Variants in DSE observed in about 807,000 individuals in gnomAD.
DSE encodes dermatan-sulfate epimerase.
A neutral mutation model predicts 84.4 loss-of-function variants in DSE; 36 were observed. That is an observed-to-expected ratio of 0.43 (90% confidence interval 0.33 to 0.56). DSE has a LOEUF of 0.56. Ranked by LOEUF, DSE falls within the 20% of genes least tolerant of loss-of-function variation. The pLI is 0.06. For missense variants in DSE, 862 were observed against 1,169.6 expected (o/e 0.74, Z 3.84); for synonymous variants, 410 against 430.1 (o/e 0.95, Z 0.58).
intron 2 of DSE, among the ~76,000 whole-genome samples, chr6:116,364,408 C>T (rs1779055364): frequency 2.0e-5 from 3 of 152,232 alleles, no homozygotes; most frequent in Admixed American, 6.5e-5. Context: ...AAACTGTCGA[C>T]TATTTCCCAT....
At chr6:116,365,533 G>A (rs886875612), upstream of DSE, among the ~76,000 whole-genome samples, 6 of 152,186 alleles carry the variant, frequency 3.9e-5, no homozygotes, top group African/African-American at 7.2e-5. Flanking sequence ...GATCACAGCC[G>A]TGAGCCACCG....
chr6:116,302,901 C>T (rs1775123177), intron 2 of DSE, among the ~76,000 whole-genome samples: 1 of 152,146 alleles, frequency 6.6e-6, no homozygotes, highest in Non-Finnish European at 1.5e-5. Context: ...AATAGGGAAT[C>T]CTGTCTCCAT....
intron 2 of DSE, among the ~76,000 whole-genome samples, chr6:116,328,964 C>G (rs888625444): frequency 1.3e-5 from 2 of 152,194 alleles, no homozygotes; most frequent in Non-Finnish European, 2.9e-5. Context: ...GTTCTGCTTA[C>G]TACGCCTGGC....
chr6:116,280,260 G>C (rs1192370493), intron 2 of DSE: 1 of 276,752 alleles, frequency 3.6e-6, no homozygotes, highest in Non-Finnish European at 7.2e-6. Context: ...GAGGCAGGAA[G>C]GTAAATCTAT....
At chr6:116,306,187 A>G (rs190320371) in intron 2 of DSE, among the ~76,000 whole-genome samples, 271 of 152,330 alleles carry the variant, frequency 1.8e-3, no homozygotes, top group African/African-American at 6.3e-3. Context: ...AAAACTACAA[A>G]GAAGTTCTTT....
In DSE at chr6:116,442,228, G is replaced by A. The variant is rs1784450831; in HGVS notation, c.*4883G>A. On this transcript the variant is annotated 3_prime_UTR_variant, in exon 6 of 6. Coordinates refer to ENST00000644252, the MANE Select transcript of DSE (RefSeq NM_013352.4). ...AGTGTGGCTAGAGCAGAGTGGGGGAGGGGAGGGTGATAGGAATAGGATCAG... is the reference window on the plus strand; with the variant it reads ...AGTGTGGCTAGAGCAGAGTGGGGGAAGGGAGGGTGATAGGAATAGGATCAG... The A allele has an allele frequency of 6.6e-6, 1 of 152,368 alleles. No homozygotes were observed. The highest frequency in any genetic ancestry group is 2.4e-5 in the African/African-American group (1 of 41,408). 9.4% of individuals were successfully genotyped at this position (152,368 alleles called of 1,614,324 possible).
chr6:116,341,487 T>C (rs1260995670), intron 2 of DSE, among the ~76,000 whole-genome samples: 1 of 152,208 alleles, frequency 6.6e-6, no homozygotes, highest in East Asian at 1.9e-4. Context: ...TTTAATTAGA[T>C]CCCATTTGTC....
intron 2 of DSE, among the ~76,000 whole-genome samples, chr6:116,414,020 C>CA (rs2115031177): frequency 6.6e-6 from 1 of 152,272 alleles, no homozygotes; most frequent in African/African-American, 2.4e-5. Context: ...AGTGTTCAGG[C>CA]AGCGACAGGA....
At chr6:116,343,516 T>A (rs914910487) in intron 2 of DSE, among the ~76,000 whole-genome samples, 1 of 152,206 alleles carries the variant, frequency 6.6e-6, no homozygotes, top group Admixed American at 6.5e-5. Context: ...CATCCACTGG[T>A]GATACCCAGG....
intron 2 of DSE, among the ~76,000 whole-genome samples, chr6:116,348,415 A>G (rs1369024360): frequency 6.6e-6 from 1 of 151,188 alleles, no homozygotes; most frequent in African/African-American, 2.5e-5. Context: ...CGACAGAGTG[A>G]GACTCCGTCT....
At chr6:116,283,605 A>G (rs766310375) in intron 2 of DSE, among the ~76,000 whole-genome samples, 17 of 152,014 alleles carry the variant, frequency 1.1e-4, no homozygotes, top group Non-Finnish European at 2.1e-4. Context: ...GTGCAGTGGC[A>G]TGATCTTGGC....
chr6:116,411,865 A>G (rs1244906983), intron 2 of DSE, among the ~76,000 whole-genome samples: 1 of 152,244 alleles, frequency 6.6e-6, no homozygotes, highest in Non-Finnish European at 1.5e-5. Context: ...ATATGATTAC[A>G]TTCAGCATTT....
intron 2 of DSE, among the ~76,000 whole-genome samples, chr6:116,360,349 T>A (rs779393777): frequency 8.6e-5 from 13 of 151,828 alleles, no homozygotes; most frequent in South Asian, 2.1e-4. Context: ...TTAAAATTTT[T>A]AAAAATTTTG....
intron 2 of DSE, among the ~76,000 whole-genome samples, chr6:116,353,438 AG>A (rs1355638844): frequency 6.6e-6 from 1 of 152,202 alleles, no homozygotes; most frequent in African/African-American, 2.4e-5. Context: ...TTTCTTCATG[AG>A]TGCCTTCTTA....
rs1452409207 is a variant in DSE at position 116,413,379 on chromosome 6, C to A, written c.417-13195C>A. Among the ~76,000 whole-genome samples, 6 of 152,198 alleles carry A rather than the reference C, an allele frequency of 3.9e-5. No homozygotes were observed. The East Asian group carries it at 1.2e-3, about 29-fold the overall frequency. The stretch of plus-strand genomic sequence containing the variant: ...AATACAAAATTTTTTCCAGAGAATC[C>A]CTACCCAATATCCTTTCTTGGACAT... On this transcript the variant is annotated intron_variant, in intron 2 of 5. Coordinates refer to ENST00000644252, the MANE Select transcript of DSE (RefSeq NM_013352.4).
At chr6:116,305,168 G>A (rs988003181) in intron 2 of DSE, among the ~76,000 whole-genome samples, 2 of 149,664 alleles carry the variant, frequency 1.3e-5, no homozygotes, top group East Asian at 3.9e-4. Flanking sequence ...CATAACCTGC[G>A]CTAAATCCTG....
chr6:116,297,584 G>A (rs1562211903), intron 2 of DSE, among the ~76,000 whole-genome samples: 2 of 152,164 alleles, frequency 1.3e-5, no homozygotes, highest in Non-Finnish European at 2.9e-5. Flanking sequence ...AGTGGTTTGG[G>A]ATTATTTGAT....
chr6:116,324,236 A>G (rs535697146), intron 2 of DSE, among the ~76,000 whole-genome samples: 3 of 152,160 alleles, frequency 2.0e-5, no homozygotes, highest in Admixed American at 6.5e-5. Flanking sequence ...ATCTTACTTC[A>G]TCAGCTTGCC....
intron 2 of DSE, among the ~76,000 whole-genome samples, chr6:116,266,618 A>G (rs1208457724): frequency 6.6e-6 from 1 of 152,220 alleles, no homozygotes; most frequent in East Asian, 1.9e-4. Flanking sequence ...TTGTATATAT[A>G]CCTATGAGTG....
Sources: allele counts gnomAD v4.1 joint callset (sites outside exome capture counted in the v4.1 genomes callset), GRCh38; gene constraint gnomAD v4.1.1; transcripts MANE v1.5; gene names NCBI Gene and HGNC (gene_info 2026-07-23, HGNC 2026-07-21).